The following GTF2E1 variants were observed in gnomAD, a reference collection of about 807,000 sequenced individuals.
GTF2E1 encodes the protein general transcription factor IIE subunit 1, also known as TFIIE alpha subunit.
A neutral mutation model predicts 34.9 loss-of-function variants in GTF2E1; 14 were observed. The observed-to-expected ratio is 0.40, with a 90% CI of 0.27 to 0.63. GTF2E1 has a LOEUF of 0.63. Among genes scored for constraint, GTF2E1 ranks in the 20% least tolerant of loss-of-function variants. The probability of loss-of-function intolerance (pLI) is 0.39; values close to 1 mark genes in which losing one functional copy is unlikely to be tolerated. For synonymous variants in GTF2E1, 188 were observed against 192.9 expected (o/e 0.97, Z 0.21); for missense variants, 469 against 557.7 (o/e 0.84, Z 1.60).
chr3:120,758,584 C>T (rs1709230659), intron 2 of GTF2E1, among the ~76,000 whole-genome samples: 1 of 111,314 alleles, frequency 9.0e-6, no homozygotes, highest in African/African-American at 2.7e-5. Flanking sequence ...CCTCCCACCC[C>T]CGACAGGCCC....
At position 120,781,830 on chromosome 3, in the gene GTF2E1, C is replaced by G. The variant is rs1709451654; in HGVS notation, c.*360C>G. 1 of 170,328 alleles carries G rather than the reference C, an allele frequency of 5.9e-6. No homozygotes were observed. The allele number at this position is 170,328 out of a possible 1,614,324, so 10.6% of individuals were successfully genotyped here. A position where few individuals can be genotyped will look rare whatever the true frequency, so the allele number is the denominator to read the frequency against. ...TCCTGGGTTCAAGCGATTCTCCTGCCTCAGCCTCCCGAGTAGCTGGGATTA... is the reference window on the plus strand; with the variant it reads ...TCCTGGGTTCAAGCGATTCTCCTGCGTCAGCCTCCCGAGTAGCTGGGATTA... On this transcript the variant is annotated 3_prime_UTR_variant, in exon 5 of 5. Coordinates refer to ENST00000283875, the MANE Select transcript of GTF2E1 (RefSeq NM_005513.3).
chr3:120,760,480 TGA>T (rs1176588062), intron 2 of GTF2E1, among the ~76,000 whole-genome samples: 1 of 152,202 alleles, frequency 6.6e-6, no homozygotes, highest in African/African-American at 2.4e-5. Flanking sequence ...ATAGGAGTGG[TGA>T]GAGAGGGCAT....
At chr3:120,776,753 A>T (rs1709404443) in intron 4 of GTF2E1, 89 bp downstream of exon 4, 1 of 1,190,140 alleles carries the variant, frequency 8.4e-7, no homozygotes, top group East Asian at 2.4e-5. Context: ...GCAATTCTGG[A>T]TCTGTTCTAC....
In GTF2E1 at chr3:120,781,710, CTTTTCTT is replaced by C; in HGVS notation, c.*245_*251del. The C allele has an allele frequency of 2.8e-6, 1 of 353,618 alleles. No homozygotes were observed. Among genetic ancestry groups the C allele is most frequent in the Non-Finnish European group, 4.9e-6 (1 of 202,834 alleles). 21.9% of individuals were successfully genotyped at this position (353,618 alleles called of 1,614,324 possible). On this transcript the variant is annotated 3_prime_UTR_variant, in exon 5 of 5. Coordinates refer to ENST00000283875, the MANE Select transcript of GTF2E1 (RefSeq NM_005513.3). The stretch of plus-strand genomic sequence containing the variant: ...CAGTATTAATATTTTACTGTATTTT[CTTTTCTT>C]TTTTTTTTTTTTTTGGAGATGAAGT...
At chr3:120,770,978 T>G (rs766318833) in intron 3 of GTF2E1, 49 bp downstream of exon 3, 9 of 1,432,012 alleles carry the variant, frequency 6.3e-6, no homozygotes, top group African/African-American at 2.8e-5. Context: ...CAACCTGTTC[T>G]TGTTTTAACT....
chr3:120,773,945 T>C (rs2107612569), intron 3 of GTF2E1, among the ~76,000 whole-genome samples: 1 of 152,366 alleles, frequency 6.6e-6, no homozygotes, highest in South Asian at 2.1e-4. Flanking sequence ...TTCTGTTCTT[T>C]TCTCTCTAGC....
chr3:120,758,476 GT>G (rs1405406639), intron 2 of GTF2E1, among the ~76,000 whole-genome samples: 4 of 151,894 alleles, frequency 2.6e-5, no homozygotes, highest in African/African-American at 9.7e-5. Context: ...CAACGTACAG[GT>G]TTGTTACATA....
At chr3:120,778,603 CTAATT>C (rs1446492738) in intron 4 of GTF2E1, among the ~76,000 whole-genome samples, 1 of 152,194 alleles carries the variant, frequency 6.6e-6, no homozygotes, top group Non-Finnish European at 1.5e-5. Flanking sequence ...TGGACCATCT[CTAATT>C]GTAATATACT....
At chr3:120,771,945 C>A (rs775780932) in intron 3 of GTF2E1, among the ~76,000 whole-genome samples, 2 of 152,242 alleles carry the variant, frequency 1.3e-5, no homozygotes, top group East Asian at 3.9e-4. Flanking sequence ...GACTAGAAGT[C>A]TTGAAGTAGT....
intron 2 of GTF2E1, among the ~76,000 whole-genome samples, chr3:120,754,838 A>G (rs1002833139): frequency 2.6e-5 from 4 of 152,162 alleles, no homozygotes; most frequent in African/African-American, 9.6e-5. Context: ...AAAATCTTAG[A>G]AATAGAAATT....
intron 1 of GTF2E1, among the ~76,000 whole-genome samples, chr3:120,748,750 A>T (rs1345726938): frequency 2.0e-5 from 3 of 152,208 alleles, no homozygotes; most frequent in Admixed American, 2.0e-4. Context: ...TTTTGGTTCC[A>T]TATGAACTTT....
chr3:120,776,376 G>T (rs759388062), intron 3 of GTF2E1, 47 bp from the exon 4 acceptor site: 2 of 1,556,584 alleles, frequency 1.3e-6, no homozygotes, highest in Non-Finnish European at 8.7e-7. Flanking sequence ...CCAACACCAA[G>T]ACATTAATTT....
intron 1 of GTF2E1, among the ~76,000 whole-genome samples, chr3:120,748,053 G>C (rs539977770): frequency 6.6e-6 from 1 of 151,886 alleles, no homozygotes; most frequent in East Asian, 1.9e-4. Flanking sequence ...GTCTTCTTTT[G>C]AGAAGTGTCT....
At chr3:120,755,813 G>A (rs184886893) in intron 2 of GTF2E1, among the ~76,000 whole-genome samples, 4 of 151,952 alleles carry the variant, frequency 2.6e-5, no homozygotes, top group South Asian at 2.1e-4. Context: ...CTGTGTCCCC[G>A]AATTCAATCA....
intron 4 of GTF2E1, among the ~76,000 whole-genome samples, chr3:120,777,683 C>T (rs1003418454): frequency 1.3e-5 from 2 of 152,172 alleles, no homozygotes; most frequent in African/African-American, 4.8e-5. Context: ...AAAAGGTTTT[C>T]CAAGGCAACC....
chr3:120,750,306 C>G (rs1709153534), intron 1 of GTF2E1, among the ~76,000 whole-genome samples: 1 of 152,086 alleles, frequency 6.6e-6, no homozygotes, highest in South Asian at 2.1e-4. Context: ...ATCAAACACA[C>G]TATAGATCAT....
At chr3:120,751,105 G>A (rs1438443585) in intron 2 of GTF2E1, 105 bp downstream of exon 2, 1 of 705,420 alleles carries the variant, frequency 1.4e-6, no homozygotes, top group Non-Finnish European at 2.3e-6. Flanking sequence ...TATTATAAAA[G>A]TGAATGGATC....
chr3:120,754,788 AT>A lies in GTF2E1; in HGVS notation c.448+3797del, dbSNP rs898598900. Among the ~76,000 whole-genome samples, 269 of 151,704 alleles carry A rather than the reference AT, an allele frequency of 1.8e-3. 1 individual carries two copies. Among genetic ancestry groups the A allele is most frequent in the African/African-American group, 5.8e-3 (240 of 41,418 alleles). The stretch of plus-strand genomic sequence containing the variant: ...TTAAATTTTGAGATGAGATAATTTA[AT>A]TTTTTTTTAAAAAAGAATCTTATAA... On this transcript the variant is annotated intron_variant, in intron 2 of 4. Transcript: ENST00000283875.
chr3:120,772,210 T>G (rs79819395), intron 3 of GTF2E1, among the ~76,000 whole-genome samples: 4,920 of 152,264 alleles, frequency 0.032, 110 homozygotes, highest in Non-Finnish European at 0.047. Context: ...CCTAGGATAC[T>G]CTATTTATCC....
Sources: allele counts gnomAD v4.1 joint callset (sites outside exome capture counted in the v4.1 genomes callset), GRCh38; gene constraint gnomAD v4.1.1; transcripts MANE v1.5; gene names NCBI Gene and HGNC (gene_info 2026-07-23, HGNC 2026-07-21).